OR7C1: variants seen among roughly 807,000 people sequenced by gnomAD.
OR7C1 encodes the protein olfactory receptor family 7 subfamily C member 1.
For missense variants in OR7C1, 324 were observed against 383.3 expected (o/e 0.85, Z 1.29); for synonymous variants, 152 against 160.7 (o/e 0.95, Z 0.41).
intron 1 of OR7C1, among the ~76,000 whole-genome samples, chr19:14,819,481 C>T (rs899438695): frequency 2.0e-5 from 3 of 152,232 alleles, no homozygotes; most frequent in African/African-American, 4.8e-5. Flanking sequence ...CCAGCCACAT[C>T]CCTGCAAAGG....
chr19:14,820,055 C>T (rs954601285), intron 1 of OR7C1, among the ~76,000 whole-genome samples: 4 of 152,074 alleles, frequency 2.6e-5, no homozygotes, highest in South Asian at 2.1e-4. Flanking sequence ...TACAGGCATG[C>T]GCCGCCACTC....
At chr19:14,823,273 C>A (rs371400684) in intron 1 of OR7C1, among the ~76,000 whole-genome samples, 4 of 147,924 alleles carry the variant, frequency 2.7e-5, no homozygotes, top group African/African-American at 1.0e-4. Context: ...GCAAACATGG[C>A]GAAACCCCAT....
At chr19:14,819,868 T>C (rs1203871864) in intron 1 of OR7C1, among the ~76,000 whole-genome samples, 2 of 152,202 alleles carry the variant, frequency 1.3e-5, no homozygotes, top group Admixed American at 6.5e-5. Flanking sequence ...TAATGGTTAT[T>C]TTCTATCTTT....
At chr19:14,833,838 A>G (rs1568255796) in intron 1 of OR7C1, among the ~76,000 whole-genome samples, 3 of 128,980 alleles carry the variant, frequency 2.3e-5, no homozygotes, top group African/African-American at 5.7e-5. Context: ...GGAGTGGGGA[A>G]CTTTCTCAGC....
At chr19:14,815,319 C>T (rs1204269151) in intron 1 of OR7C1, among the ~76,000 whole-genome samples, 1 of 152,204 alleles carries the variant, frequency 6.6e-6, no homozygotes, top group African/African-American at 2.4e-5. Context: ...ATGTTAAAGT[C>T]TCCACTCCAA....
At chr19:14,817,129 A>G (rs2044719852) in intron 1 of OR7C1, among the ~76,000 whole-genome samples, 1 of 152,212 alleles carries the variant, frequency 6.6e-6, no homozygotes, top group South Asian at 2.1e-4. Context: ...GCTTGCTATC[A>G]TACCCCAAAA....
At chr19:14,803,760 A>C (rs998580845) in intron 2 of OR7C1, among the ~76,000 whole-genome samples, 3 of 151,538 alleles carry the variant, frequency 2.0e-5, no homozygotes, top group African/African-American at 7.3e-5. Flanking sequence ...CCCAGGCTGG[A>C]GTGCAGTGGC....
intron 1 of OR7C1, 138 bp downstream of exon 1, chr19:14,834,936 T>A (rs927791677): frequency 1.3e-5 from 2 of 152,214 alleles, no homozygotes; most frequent in Non-Finnish European, 2.9e-5. Context: ...AGTTAATTAA[T>A]CAACCAAGCA....
chr19:14,813,700 G>C (rs2044702497), intron 1 of OR7C1, among the ~76,000 whole-genome samples: 1 of 148,072 alleles, frequency 6.8e-6, no homozygotes, highest in South Asian at 2.1e-4. Context: ...GCAGGAAAGA[G>C]AGGCAGAGAG....
intron 2 of OR7C1, among the ~76,000 whole-genome samples, chr19:14,807,654 T>C (rs1599914315): frequency 6.6e-6 from 1 of 151,918 alleles, no homozygotes; most frequent in Non-Finnish European, 1.5e-5. Flanking sequence ...TAACTCCTGA[T>C]TGAATTAAAA....
chr19:14,807,271 T>C (rs931512059), intron 2 of OR7C1, among the ~76,000 whole-genome samples: 9 of 152,014 alleles, frequency 5.9e-5, no homozygotes, highest in African/African-American at 1.5e-4. Flanking sequence ...AATCTTGTAA[T>C]TGATCATTGT....
At chr19:14,828,014 G>C in intron 1 of OR7C1, 1 of 1,614,184 alleles carries the variant, frequency 6.2e-7, no homozygotes, top group Middle Eastern at 1.6e-4. Flanking sequence ...TTGGAATGGT[G>C]GTGGAAGTAA....
chr19:14,818,085 T>G (rs1211293980), intron 1 of OR7C1, among the ~76,000 whole-genome samples: 1 of 150,130 alleles, frequency 6.7e-6, no homozygotes, highest in Non-Finnish European at 1.5e-5. Flanking sequence ...TTTATTTATT[T>G]ATTTATTTAT....
At chr19:14,801,472 T>C (rs73004312) in intron 2 of OR7C1, among the ~76,000 whole-genome samples, 4,027 of 152,354 alleles carry the variant, frequency 0.026, 73 homozygotes, top group Non-Finnish European at 0.036. Context: ...AATATTTTGG[T>C]AAAATATGGT....
exon 5 of OR7C1, chr19:14,799,261 C>T: frequency 1.2e-6 from 2 of 1,614,110 alleles, no homozygotes; most frequent in Non-Finnish European, 8.5e-7. Flanking sequence ...CCGTGTTCCT[C>T]AGGCTGTAGA....
chr19:14,804,469 A>AGT (rs1568247745), intron 2 of OR7C1, among the ~76,000 whole-genome samples: 6 of 152,110 alleles, frequency 3.9e-5, no homozygotes, highest in African/African-American at 1.5e-4. Flanking sequence ...GAGTCGCCAC[A>AGT]CTATAATATT....
At chr19:14,805,808 GA>G (rs1414253312) in intron 2 of OR7C1, among the ~76,000 whole-genome samples, 1 of 151,838 alleles carries the variant, frequency 6.6e-6, no homozygotes, top group Admixed American at 6.6e-5. Context: ...ATCCATTAGG[GA>G]TCTAGTAATA....
chr19:14,799,597 A>T (rs374995262), exon 5 of OR7C1: 1 of 1,614,148 alleles, frequency 6.2e-7, no homozygotes, highest in African/African-American at 1.3e-5. Context: ...CTTCAAGTAG[A>T]TCACAAAAAA....
chr19:14,802,159 C>A (rs2044645062), intron 2 of OR7C1, among the ~76,000 whole-genome samples: 1 of 152,218 alleles, frequency 6.6e-6, no homozygotes, highest in Non-Finnish European at 1.5e-5. Flanking sequence ...CTGAATATGA[C>A]AACCCCACAG....
Sources: gnomAD v4.1 joint callset for allele counts (sites outside exome capture counted in the v4.1 genomes callset) on GRCh38, gnomAD v4.1.1 for gene constraint, MANE v1.5 for transcripts, NCBI Gene and HGNC (gene_info 2026-07-23, HGNC 2026-07-21) for gene names.